Variants in MCM5 observed in about 807,000 individuals in gnomAD.
MCM5 encodes minichromosome maintenance complex component 5, also known as DNA replication licensing factor MCM5.
In MCM5, 46 loss-of-function variants were observed where a neutral mutation model predicts 79.9. That is an observed-to-expected ratio of 0.58 (90% CI 0.45 to 0.74). The LOEUF (loss-of-function observed/expected upper bound fraction) is 0.74, where lower values mean the gene tolerates loss of function less well. Ranked by LOEUF, MCM5 falls within the 30% of genes least tolerant of loss-of-function variation. The probability of loss-of-function intolerance (pLI) is 0.00; values close to 1 mark genes in which losing one functional copy is unlikely to be tolerated. For missense variants in MCM5, 883 were observed against 1,017.0 expected, an observed-to-expected ratio of 0.87 and a Z score of 1.79; for synonymous variants, 404 against 390.5, an observed-to-expected ratio of 1.03 and a Z score of -0.41.
At chr22:35,444,171 G>GAGAGAC in the MCM5 span, among the ~76,000 whole-genome samples, 2 of 150,956 alleles carry the variant, frequency 1.3e-5, no homozygotes, top group Non-Finnish European at 3.0e-5. Context: ...AGGCAGGAGA[G>GAGAGAC]AGAGAGAGAG....
At chr22:35,417,878 A>G in intron 13 of MCM5, 22 bp downstream of exon 13, 1 of 1,586,772 alleles carries the variant, frequency 6.3e-7, no homozygotes, top group Non-Finnish European at 8.7e-7. Flanking sequence ...ACGCAGGCCC[A>G]CGGGGGTGAG....
the MCM5 span, among the ~76,000 whole-genome samples, chr22:35,439,733 A>G: frequency 3.4e-3 from 518 of 152,300 alleles, 4 homozygotes; most frequent in African/African-American, 0.012. Context: ...TTCCTCTATC[A>G]CTTACTAACT....
At chr22:35,407,270 C>T (rs1169535546) in intron 5 of MCM5, among the ~76,000 whole-genome samples, 1 of 152,156 alleles carries the variant, frequency 6.6e-6, no homozygotes, top group East Asian at 1.9e-4. Flanking sequence ...TCGCTGGTGC[C>T]TCCTCAGCTT....
chr22:35,438,250 TCCACCCACCCAC>T, the MCM5 span, among the ~76,000 whole-genome samples: 9 of 94,052 alleles, frequency 9.6e-5, 2 homozygotes, highest in Non-Finnish European at 1.3e-4. Context: ...CACATATTCA[TCCACCCACCCAC>T]CCACCCACCC....
the MCM5 span, among the ~76,000 whole-genome samples, chr22:35,451,466 C>T: frequency 9.2e-5 from 14 of 152,214 alleles, no homozygotes; most frequent in Admixed American, 1.3e-4. Flanking sequence ...CTCAGCCGGC[C>T]GGTTGTTTCT....
chr22:35,419,052 G>A (rs1206836890), intron 13 of MCM5, among the ~76,000 whole-genome samples: 1 of 152,218 alleles, frequency 6.6e-6, no homozygotes, highest in Non-Finnish European at 1.5e-5. Context: ...CCAGTGGGGG[G>A]CTGGTGGGTC....
the MCM5 span, among the ~76,000 whole-genome samples, chr22:35,435,593 C>T: frequency 2.6e-5 from 4 of 152,162 alleles, no homozygotes; most frequent in Admixed American, 6.5e-5. Flanking sequence ...GCTTTGTTCC[C>T]GGGTCTTCCT....
chr22:35,438,619 C>CCATCCATCCACCCACATATT, the MCM5 span, among the ~76,000 whole-genome samples: 5 of 88,238 alleles, frequency 5.7e-5, no homozygotes, highest in African/African-American at 1.7e-4. Flanking sequence ...ACATATTCAT[C>CCATCCATCCACCCACATATT]CATCCATCCA....
intron 14 of MCM5, among the ~76,000 whole-genome samples, chr22:35,421,014 GCTC>G (rs1932678219): frequency 6.6e-6 from 1 of 151,570 alleles, no homozygotes; most frequent in South Asian, 2.1e-4. Context: ...TGTAGACCCA[GCTC>G]CTCAGGTGGC....
chr22:35,406,092 G>C (rs976677934), intron 4 of MCM5, among the ~76,000 whole-genome samples: 1 of 152,098 alleles, frequency 6.6e-6, no homozygotes, highest in Non-Finnish European at 1.5e-5. Context: ...GGAAACTGAG[G>C]CTCAAAGAGA....
Position 35,416,073 on chromosome 22 carries a change from T to C in MCM5, c.1347+101T>C. The C allele has an allele frequency of 3.5e-6, 5 of 1,434,256 alleles. No homozygotes were observed. The South Asian group carries it at 6.3e-5, about 18-fold the overall frequency. The allele number at this position is 1,434,256 out of a possible 1,614,324, so 88.8% of individuals were successfully genotyped here. ...GAAATCACCTCTGACTTGGGAGACA[T>C]GTTTTCAATCCCTGGGCCGGTCACT... On this transcript the variant is annotated intron_variant, in intron 10 of 16. Coordinates refer to ENST00000216122, the MANE Select transcript of MCM5 (RefSeq NM_006739.4).
chr22:35,436,910 AT>A, the MCM5 span, among the ~76,000 whole-genome samples: 73,116 of 151,856 alleles, frequency 0.48, 20,116 homozygotes, highest in Non-Finnish European at 0.63. Context: ...CAGTTCGCAG[AT>A]GAGGATGGAA....
intron 13 of MCM5, 136 bp from the exon 14 acceptor site, chr22:35,419,748 C>T: frequency 3.7e-6 from 3 of 818,462 alleles, no homozygotes; most frequent in Non-Finnish European, 5.5e-6. Context: ...ATTGTTGTCC[C>T]CCAGCCCATA....
intron 9 of MCM5, 146 bp from the exon 10 acceptor site, chr22:35,415,683 G>A (rs1304798397): frequency 2.3e-6 from 2 of 866,494 alleles, no homozygotes; most frequent in Non-Finnish European, 3.6e-6. Context: ...GACGCACTGA[G>A]TTGGAGCCTT....
the MCM5 span, among the ~76,000 whole-genome samples, chr22:35,435,347 T>G: frequency 2.6e-5 from 4 of 151,928 alleles, no homozygotes; most frequent in Non-Finnish European, 5.9e-5. Context: ...TGGCTGTCTC[T>G]CAGGGCCGCG....
chr22:35,400,245 A>G, intron 1 of MCM5, 37 bp downstream of exon 1: 2 of 623,462 alleles, frequency 3.2e-6, no homozygotes, highest in Non-Finnish European at 5.7e-6. Flanking sequence ...ACTGGGAGCC[A>G]GCAGGCATCT....
the MCM5 span, among the ~76,000 whole-genome samples, chr22:35,452,608 T>C: frequency 1.3e-5 from 2 of 152,136 alleles, no homozygotes; most frequent in African/African-American, 4.8e-5. Flanking sequence ...CACTTCACTT[T>C]CTGTACTAGC....
chr22:35,406,691 C>T lies in MCM5; in HGVS notation c.562C>T (p.Leu188Phe), dbSNP rs749926776. ...TLTNIAMRPG[L>F]EGYALPRKCN... ...CACCAACATTGCCATGCGCCCTGGC[C>T]TCGAGGGCTATGCCCTGCCCAGGAA... Residue 188 changes from leucine (L) to phenylalanine (F), a missense_variant, in exon 5 of 17, where the codon CTC (leucine) becomes TTC (phenylalanine). Leu to Phe is a conservative substitution (Grantham distance 22). This residue lies in a region of MCM5 where 455 missense variants were observed against 517.5 expected (regional missense o/e 0.88). Coordinates refer to ENST00000216122, the MANE Select transcript of MCM5 (RefSeq NM_006739.4). The T allele has an allele frequency of 5.6e-6, 9 of 1,610,154 alleles. No homozygotes were observed. The highest frequency in any genetic ancestry group is 6.8e-6 in the Non-Finnish European group (8 of 1,180,024).
downstream of MCM5, among the ~76,000 whole-genome samples, chr22:35,430,380 C>T (rs955011576): frequency 6.6e-6 from 1 of 152,224 alleles, no homozygotes; most frequent in Admixed American, 6.5e-5. Context: ...GAAGTGGGCA[C>T]CTGGTGCCCG....
Sources: gnomAD v4.1 joint callset for allele counts (sites outside exome capture counted in the v4.1 genomes callset) on GRCh38, gnomAD v4.1.1 for gene constraint, gnomAD v4.1.1 regional missense constraint, MANE v1.5 for transcripts, NCBI Gene and HGNC (gene_info 2026-07-23, HGNC 2026-07-21) for gene names.